The following STK32A variants were observed in gnomAD, a reference collection of about 807,000 sequenced individuals.
The protein encoded by STK32A is serine/threonine kinase 32A.
STK32A carries 41 observed loss-of-function variants against 53.2 expected under a neutral mutation model. The observed-to-expected ratio is 0.77, with a 90% CI of 0.60 to 1.00. STK32A has a LOEUF of 1.00. STK32A is among the 50% of genes least tolerant of loss of function. The probability of loss-of-function intolerance (pLI) is 0.00; values close to 1 mark genes in which losing one functional copy is unlikely to be tolerated. For synonymous variants in STK32A, 166 were observed against 162.8 expected (o/e 1.02, Z -0.15); for missense variants, 458 against 485.8 (o/e 0.94, Z 0.54).
At chr5:147,259,799 G>A (rs1390633923) in intron 2 of STK32A, among the ~76,000 whole-genome samples, 1 of 140,442 alleles carries the variant, frequency 7.1e-6, no homozygotes, top group East Asian at 2.2e-4. Flanking sequence ...TCTCTTCTCT[G>A]TCTCTGTCCT....
chr5:147,295,029 T>G (rs1392220128), intron 4 of STK32A, among the ~76,000 whole-genome samples: 2 of 152,220 alleles, frequency 1.3e-5, no homozygotes, highest in African/African-American at 4.8e-5. Flanking sequence ...TTTTAACTCT[T>G]AGGAACGCTA....
At chr5:147,383,228 A>G in intron 11 of STK32A, 1 of 583,598 alleles carries the variant, frequency 1.7e-6, no homozygotes, top group Non-Finnish European at 3.0e-6. Flanking sequence ...CTGCCAGTGC[A>G]ATCGCTGTCT....
chr5:147,288,645 A>G (rs995343744), intron 4 of STK32A, among the ~76,000 whole-genome samples: 10 of 152,068 alleles, frequency 6.6e-5, no homozygotes, highest in African/African-American at 2.4e-4. Context: ...GGAGAGAGTC[A>G]CTACACACTT....
At chr5:147,283,185 C>T (rs1752147867) in intron 4 of STK32A, among the ~76,000 whole-genome samples, 3 of 152,174 alleles carry the variant, frequency 2.0e-5, no homozygotes, top group Admixed American at 2.0e-4. Flanking sequence ...TAACCTGCTC[C>T]TGAATGGCAT....
At chr5:147,286,469 G>T (rs1444906746) in intron 4 of STK32A, among the ~76,000 whole-genome samples, 2 of 152,092 alleles carry the variant, frequency 1.3e-5, no homozygotes, top group Non-Finnish European at 1.5e-5. Flanking sequence ...AGCCAGCTTG[G>T]CTTACACCCT....
rs1339665106 is a variant in STK32A at position 147,384,032 on chromosome 5, T to C, written c.*49T>C. On this transcript the variant is annotated 3_prime_UTR_variant, in exon 13 of 13. Coordinates refer to ENST00000397936, the MANE Select transcript of STK32A (RefSeq NM_001112724.2). ...ACAATCTCATGCCAGAAACTTCTAA[T>C]TACATATGTCAAGAAAAGCTGACAG... 1.3e-6 allele frequency: 2 copies of C among 1,568,574 alleles called. No homozygotes were observed. The highest frequency in any genetic ancestry group is 1.7e-6 in the Non-Finnish European group (2 of 1,163,902).
chr5:147,394,232 G>A, the STK32A span: 2 of 1,053,816 alleles, frequency 1.9e-6, no homozygotes, highest in African/African-American at 1.6e-5. Flanking sequence ...GATATGAAGT[G>A]CCTTGCTGGC....
chr5:147,365,872 A>G (rs1005054428), intron 8 of STK32A, among the ~76,000 whole-genome samples: 2 of 152,230 alleles, frequency 1.3e-5, no homozygotes, highest in African/African-American at 4.8e-5. Context: ...CTGCCTGGAA[A>G]GAATTTTGCT....
At chr5:147,322,149 G>T (rs1045997266) in intron 4 of STK32A, among the ~76,000 whole-genome samples, 4 of 152,234 alleles carry the variant, frequency 2.6e-5, no homozygotes, top group South Asian at 2.1e-4. Context: ...CTTTCCTCAT[G>T]CCCAATACAC....
chr5:147,335,662 C>A (rs1037451061), intron 5 of STK32A, among the ~76,000 whole-genome samples: 1 of 152,204 alleles, frequency 6.6e-6, no homozygotes, highest in Admixed American at 6.5e-5. Context: ...GGTCACCAGC[C>A]CATCCCTGAA....
chr5:147,318,365 T>A (rs568545953), intron 4 of STK32A, among the ~76,000 whole-genome samples: 1 of 152,292 alleles, frequency 6.6e-6, no homozygotes, highest in South Asian at 2.1e-4. Flanking sequence ...TGCTCCCTTA[T>A]CGATGGGCAT....
chr5:147,343,025 A>G lies in STK32A; in HGVS notation c.454A>G (p.Ile152Val), dbSNP rs1755509008. Reference protein sequence around the residue: ...IIHRDMKPDNILLDEHGHVHI... With the variant: ...IIHRDMKPDNVLLDEHGHVHI... ...CTCTAGGGATATGAAGCCTGACAAT[A>G]TTTTACTTGACGAACATGGTAAGTG... The change falls in exon 6 of 13, where the codon ATT (isoleucine) becomes GTT (valine). Residue 152 changes from isoleucine (I) to valine (V), a missense_variant. Physicochemically the swap from Ile to Val is conservative, Grantham distance 29. Transcript: ENST00000397936. 1 of 1,613,314 alleles carries G rather than the reference A, an allele frequency of 6.2e-7. No homozygotes were observed. Among genetic ancestry groups the G allele is most frequent in the African/African-American group, 1.3e-5 (1 of 74,896 alleles).
chr5:147,269,645 TG>T (rs1754947309), intron 2 of STK32A, among the ~76,000 whole-genome samples: 2 of 152,198 alleles, frequency 1.3e-5, no homozygotes, highest in Non-Finnish European at 1.5e-5. Context: ...CCCTCCTCTC[TG>T]GGGAATTTAT....
chr5:147,317,321 TTC>T (rs1754047777), intron 4 of STK32A, among the ~76,000 whole-genome samples: 7 of 105,550 alleles, frequency 6.6e-5, no homozygotes, highest in South Asian at 3.1e-4. Flanking sequence ...TTCTTTTTCT[TTC>T]TTTTTTTTTT....
At chr5:147,282,771 C>G (rs1420626161) in intron 4 of STK32A, among the ~76,000 whole-genome samples, 2 of 152,188 alleles carry the variant, frequency 1.3e-5, no homozygotes, top group African/African-American at 4.8e-5. Context: ...AAGCACCTAA[C>G]ACTGGAGCTC....
intron 11 of STK32A, among the ~76,000 whole-genome samples, chr5:147,376,344 T>C (rs1757231011): frequency 6.6e-6 from 1 of 152,138 alleles, no homozygotes; most frequent in African/African-American, 2.4e-5. Flanking sequence ...GTCTCTGAAC[T>C]GTCTTCTTCC....
At position 147,258,356 on chromosome 5, in the gene STK32A, C is replaced by T. The variant is rs1385852215; in HGVS notation, c.52+18670C>T. Among the ~76,000 whole-genome samples, 3 of 152,010 alleles carry T rather than the reference C, an allele frequency of 2.0e-5. No homozygotes were observed. In the East Asian group the frequency reaches 5.8e-4, roughly 29 times the overall value. On this transcript the variant is annotated intron_variant, in intron 2 of 12. Coordinates refer to ENST00000397936, the MANE Select transcript of STK32A (RefSeq NM_001112724.2). The stretch of plus-strand genomic sequence containing the variant: ...AACAAAATATTTGTTTATTTTTAAA[C>T]TTTTAATGTAGGTAAAAATCCACAT...
intron 4 of STK32A, among the ~76,000 whole-genome samples, chr5:147,301,254 G>A (rs749499216): frequency 2.6e-5 from 4 of 151,800 alleles, no homozygotes; most frequent in Admixed American, 1.3e-4. Flanking sequence ...TCTGATCATG[G>A]GGAGGTCCTC....
chr5:147,325,167 A>G (rs1443709927), intron 5 of STK32A, among the ~76,000 whole-genome samples: 1 of 152,190 alleles, frequency 6.6e-6, no homozygotes, highest in Non-Finnish European at 1.5e-5. Flanking sequence ...AAATCAGTAC[A>G]TGTGACTCTG....
Sources: allele counts gnomAD v4.1 joint callset (sites outside exome capture counted in the v4.1 genomes callset), GRCh38; gene constraint gnomAD v4.1.1; transcripts MANE v1.5; gene names NCBI Gene and HGNC (gene_info 2026-07-23, HGNC 2026-07-21).